Variants in MILR1 observed in about 807,000 individuals in gnomAD.
MILR1 encodes the protein allergin-1.
MILR1 carries 31 observed loss-of-function variants against 18.5 expected under a neutral mutation model. That is an observed-to-expected ratio of 1.68 (90% CI 1.26 to 2.26). MILR1 has a LOEUF of 2.26. Ranked by LOEUF, MILR1 falls within the 30% of genes most tolerant of loss-of-function variation. The pLI is 0.00. For missense variants in MILR1, 257 were observed against 157.4 expected (o/e 1.63, Z -3.38); for synonymous variants, 85 against 56.2 (o/e 1.51, Z -2.30).
At chr17:64,474,275 G>A in the MILR1 span, among the ~76,000 whole-genome samples, 14 of 152,060 alleles carry the variant, frequency 9.2e-5, no homozygotes, top group East Asian at 1.9e-4. Context: ...GGGTTTCACC[G>A]TGTTGGCCAG....
chr17:64,491,044 A>C, the MILR1 span: 1 of 1,131,336 alleles, frequency 8.8e-7, no homozygotes, highest in South Asian at 1.3e-5. Context: ...TATCTGTAAG[A>C]ATTTAAATTG....
chr17:64,492,793 A>G, the MILR1 span: 21 of 1,598,238 alleles, frequency 1.3e-5, no homozygotes, highest in African/African-American at 2.7e-5. Flanking sequence ...AAAACGTATC[A>G]GGAAGTTAGC....
At chr17:64,458,194 T>TTTCC (rs35194632) in intron 4 of MILR1, among the ~76,000 whole-genome samples, 45,713 of 145,514 alleles carry the variant, frequency 0.31, 8,158 homozygotes, top group Middle Eastern at 0.56. Flanking sequence ...TCCTTCCTTC[T>TTTCC]TTCCTTCCTT....
At chr17:64,475,282 C>G in the MILR1 span, among the ~76,000 whole-genome samples, 1 of 152,006 alleles carries the variant, frequency 6.6e-6, no homozygotes, top group African/African-American at 2.4e-5. Flanking sequence ...TTTAAATAAT[C>G]CAGCATTTAT....
intron 3 of MILR1, among the ~76,000 whole-genome samples, chr17:64,453,564 C>A (rs956690455): frequency 1.9e-4 from 23 of 120,748 alleles, no homozygotes; most frequent in African/African-American, 7.6e-4. Context: ...TTTTCTGAAG[C>A]CTTGGGCCCC....
chr17:64,472,203 G>A (rs1048691495), downstream of MILR1, among the ~76,000 whole-genome samples: 8 of 151,836 alleles, frequency 5.3e-5, no homozygotes, highest in Non-Finnish European at 1.0e-4. Context: ...ACTAGGGGCC[G>A]GGCGCAGTGG....
chr17:64,461,567 T>C (rs1598098027), intron 5 of MILR1, among the ~76,000 whole-genome samples: 1 of 152,134 alleles, frequency 6.6e-6, no homozygotes, highest in South Asian at 2.1e-4. Context: ...AAATTCTTCA[T>C]AATTTTTTGT....
chr17:64,477,161 G>C, the MILR1 span, among the ~76,000 whole-genome samples: 1 of 152,108 alleles, frequency 6.6e-6, no homozygotes. Flanking sequence ...ATTCCATAAA[G>C]ACCTTTTCCT....
chr17:64,490,806 G>A, the MILR1 span: 1 of 1,611,468 alleles, frequency 6.2e-7, no homozygotes, highest in South Asian at 1.1e-5. Flanking sequence ...ATGTAATTTA[G>A]ACACATTGCC....
chr17:64,492,000 T>C, the MILR1 span, among the ~76,000 whole-genome samples: 4 of 149,694 alleles, frequency 2.7e-5, no homozygotes, highest in African/African-American at 7.4e-5. Context: ...AAATACTGAG[T>C]ATATTGCTTA....
chr17:64,476,996 A>G, the MILR1 span, among the ~76,000 whole-genome samples: 1 of 152,234 alleles, frequency 6.6e-6, no homozygotes, highest in African/African-American at 2.4e-5. Context: ...AAGTTAAAAG[A>G]TTTCTTATAA....
downstream of MILR1, among the ~76,000 whole-genome samples, chr17:64,471,513 A>G (rs1036385138): frequency 7.2e-5 from 11 of 152,208 alleles, no homozygotes; most frequent in African/African-American, 2.7e-4. Flanking sequence ...GTATTGTGCA[A>G]TTGAAGCAAG....
chr17:64,494,967 A>T, the MILR1 span, among the ~76,000 whole-genome samples: 6 of 151,986 alleles, frequency 3.9e-5, no homozygotes, highest in Non-Finnish European at 5.9e-5. Flanking sequence ...AGGTCAGGAG[A>T]TAGAGACCAT....
At chr17:64,487,515 G>A in the MILR1 span, 1 of 151,370 alleles carries the variant, frequency 6.6e-6, no homozygotes, top group African/African-American at 2.4e-5. Flanking sequence ...TCAGCAGGCT[G>A]AGGCATGAGA....
At chr17:64,456,342 C>G (rs1174311104) in intron 3 of MILR1, among the ~76,000 whole-genome samples, 3 of 151,956 alleles carry the variant, frequency 2.0e-5, no homozygotes, top group African/African-American at 4.8e-5. Flanking sequence ...AAATGTATAG[C>G]TGGGTTTTTC....
At chr17:64,452,524 A>G in intron 2 of MILR1, 73 bp from the exon 3 acceptor site, 2 of 411,660 alleles carry the variant, frequency 4.9e-6, no homozygotes, top group Non-Finnish European at 8.8e-6. Flanking sequence ...AAGTGCTGGG[A>G]TTACAGGCGT....
In MILR1 at chr17:64,466,494, A is replaced by G; in HGVS notation, c.906A>G (p.Gln302=). Residue 302 remains glutamine, a synonymous_variant, in exon 7 of 10, where the codon CAA becomes CAG. Transcript: ENST00000619286. ...VGSRPCVSTA[Q]DEAKHSQELQ... ...CCAGGCCGTGTGTTTCCACAGCCCA[A>G]GATGGTGAGCATGTTCTGCAGAGTC... 6.2e-6 allele frequency: 10 copies of G among 1,613,806 alleles called. No homozygotes were observed. Among genetic ancestry groups the G allele is most frequent in the Non-Finnish European group, 8.5e-6 (10 of 1,179,782 alleles).
the MILR1 span, chr17:64,493,055 T>C: frequency 6.2e-7 from 1 of 1,611,556 alleles, no homozygotes. Context: ...TGTATACATC[T>C]AGTCCACAAA....
At chr17:64,495,545 C>A in the MILR1 span, among the ~76,000 whole-genome samples, 1 of 152,100 alleles carries the variant, frequency 6.6e-6, no homozygotes, top group Non-Finnish European at 1.5e-5. Flanking sequence ...CCACTGCACT[C>A]GAGTCTGGGT....
Sources: allele counts gnomAD v4.1 joint callset (sites outside exome capture counted in the v4.1 genomes callset), GRCh38; gene constraint gnomAD v4.1.1; transcripts MANE v1.5; gene names NCBI Gene and HGNC (gene_info 2026-07-23, HGNC 2026-07-21).